The following BIN1 variants were observed in gnomAD, a reference collection of about 807,000 sequenced individuals.
The protein encoded by BIN1 is bridging integrator 1, also known as myc box-dependent-interacting protein 1.
Under a neutral mutation model 82.0 loss-of-function variants are expected in BIN1, and 53 were observed. The ratio of observed to expected loss-of-function variants is 0.65; its 90% CI spans 0.52 to 0.81. The LOEUF (loss-of-function observed/expected upper bound fraction) is 0.81. Ranked by LOEUF, BIN1 falls within the 40% of genes least tolerant of loss-of-function variation. The probability of loss-of-function intolerance (pLI) is 0.00; values close to 1 mark genes in which losing one functional copy is unlikely to be tolerated. For missense variants in BIN1, 642 were observed against 784.4 expected (o/e 0.82, Z 2.17); for synonymous variants, 302 against 328.0 (o/e 0.92, Z 0.86).
intron 12 of BIN1, 22 bp from the exon 13 acceptor site, chr2:127,054,034 A>G (rs1273617532): frequency 6.5e-7 from 1 of 1,544,184 alleles, no homozygotes; most frequent in East Asian, 2.4e-5. Flanking sequence ...CAGCAGCAGC[A>G]GAGGAGGAAG....
At chr2:127,050,974 G>C in intron 16 of BIN1, 62 bp from the exon 17 acceptor site, 1 of 1,551,212 alleles carries the variant, frequency 6.4e-7, no homozygotes, top group Admixed American at 1.7e-5. Context: ...CAGGGCCACC[G>C]AGGAGAAGAG....
rs920170949 is a variant in BIN1, at chr2:127,070,079, C to T, written c.327G>A (p.Leu109=). The change falls in exon 5 of 19, where the codon CTG becomes CTA. Residue 109 remains leucine, a synonymous_variant. Transcript: ENST00000316724. ...EANKIAENND[L]LWMDYHQKLV... is the part of the protein sequence containing the mutation. ...GCTTCTGGTGGTAATCCATCCACAG[C>T]AGGTCGTTGTTCTGAGACAGGCAAG... is the stretch of plus-strand genomic sequence containing the variant. The T allele has an allele frequency of 1.5e-5, 25 of 1,613,860 alleles. No homozygotes were observed. The Admixed American group carries it at 3.3e-4, about 22-fold the overall frequency.
At chr2:127,058,611 G>A (rs1684015335) in intron 11 of BIN1, among the ~76,000 whole-genome samples, 1 of 152,164 alleles carries the variant, frequency 6.6e-6, no homozygotes, top group Non-Finnish European at 1.5e-5. Context: ...TCCTCCCTCA[G>A]GCCCCTTTAA....
intron 16 of BIN1, 99 bp from the exon 17 acceptor site, chr2:127,051,011 C>A: frequency 6.7e-7 from 1 of 1,496,300 alleles, no homozygotes; most frequent in South Asian, 1.1e-5. Context: ...AAGGTGTCTG[C>A]GCCTGGTGCC....
intron 1 of BIN1, among the ~76,000 whole-genome samples, chr2:127,078,805 G>A (rs1686943460): frequency 6.6e-6 from 1 of 152,096 alleles, no homozygotes; most frequent in African/African-American, 2.4e-5. Context: ...ACCCGGCTCT[G>A]CAAAGAGCTT....
chr2:127,064,364 C>T (rs1056220911), intron 7 of BIN1, among the ~76,000 whole-genome samples: 2 of 152,220 alleles, frequency 1.3e-5, no homozygotes, highest in African/African-American at 4.8e-5. Flanking sequence ...ACCCCAGACC[C>T]AGCCAAGTGG....
intron 1 of BIN1, among the ~76,000 whole-genome samples, chr2:127,086,434 G>T (rs542277004): frequency 6.6e-6 from 1 of 152,052 alleles, no homozygotes; most frequent in Non-Finnish European, 1.5e-5. Flanking sequence ...AGATTTTCAC[G>T]ATGAAATACA....
rs538444134 is a variant in BIN1, at chr2:127,070,442, G to A, written c.315+111C>T. On this transcript the variant is annotated intron_variant, in intron 4 of 18. Coordinates refer to ENST00000316724, the MANE Select transcript of BIN1 (RefSeq NM_139343.3). ...CAGCTTGCCCCAGGGCACACAGCAC[G>A]CGAATGCCCGAGAACCAGAGAGGCT... The A allele has an allele frequency of 2.5e-5, 34 of 1,339,346 alleles. 1 individual carries two copies. Among genetic ancestry groups the A allele is most frequent in the Middle Eastern group, 4.6e-4 (2 of 4,314 alleles). The allele number at this position is 1,339,346 out of a possible 1,614,324, so 83.0% of individuals were successfully genotyped here. A position where few individuals can be genotyped will look rare whatever the true frequency, so the allele number is the denominator to read the frequency against.
At chr2:127,085,514 G>T (rs1678018001) in intron 1 of BIN1, among the ~76,000 whole-genome samples, 1 of 152,160 alleles carries the variant, frequency 6.6e-6, no homozygotes. Flanking sequence ...ACCTGTTCAT[G>T]GCCCTCCTGG....
intron 1 of BIN1, among the ~76,000 whole-genome samples, chr2:127,094,604 G>A (rs1022966701): frequency 7.2e-5 from 11 of 152,208 alleles, no homozygotes; most frequent in African/African-American, 2.4e-4. Context: ...CTGGAGTGGC[G>A]CGGAGCCGAC....
At position 127,107,106 on chromosome 2, in the gene BIN1, A is replaced by T. The variant is rs560690864; in HGVS notation, c.-163T>A. ...CTGACGGAGGCGGAGCGTGCGCCGG[A>T]CGGGCGAGCGAGCCAGCGAGCTAGC... On this transcript the variant is annotated 5_prime_UTR_variant, in exon 1 of 19. Coordinates refer to ENST00000316724, the MANE Select transcript of BIN1 (RefSeq NM_139343.3). This position sits in a 1 kb window ranked among gnomAD's most constrained non-coding sequence, Gnocchi z 5.9. The T allele has an allele frequency of 1.4e-6, 1 of 734,176 alleles. No individual in the cohort carries two copies. Among genetic ancestry groups the T allele is most frequent in the Non-Finnish European group, 1.9e-6 (1 of 522,448 alleles). 45.5% of individuals were successfully genotyped at this position (734,176 alleles called of 1,614,324 possible). A position where few individuals can be genotyped will look rare whatever the true frequency, so the allele number is the denominator to read the frequency against.
At chr2:127,089,767 G>A (rs906090385) in intron 1 of BIN1, among the ~76,000 whole-genome samples, 3 of 152,084 alleles carry the variant, frequency 2.0e-5, no homozygotes, top group Non-Finnish European at 2.9e-5. Context: ...CTGGGAGCAG[G>A]CCCAGGCTGT....
rs141817721 is a variant in BIN1 at position 127,075,106 on chromosome 2, G to A, written c.165+1520C>T. Among the ~76,000 whole-genome samples the A allele has an allele frequency of 2.5e-3, 387 of 152,284 alleles. 2 individuals carry two copies. The highest frequency in any genetic ancestry group is 4.3e-3 in the Non-Finnish European group (294 of 68,028). On this transcript the variant is annotated intron_variant, in intron 2 of 18. Coordinates refer to ENST00000316724, the MANE Select transcript of BIN1 (RefSeq NM_139343.3). ...GGGATCAGCTCCAGAGAGGAAACTC[G>A]ATAGTGAACCAAAGGCCACAGAGCC...
chr2:127,074,420 C>T (rs995917133), intron 2 of BIN1, among the ~76,000 whole-genome samples: 3 of 152,192 alleles, frequency 2.0e-5, no homozygotes, highest in Non-Finnish European at 4.4e-5. Context: ...AACCTGAGCC[C>T]GGGGGCAGAC....
chr2:127,076,847 G>A, intron 1 of BIN1, 141 bp from the exon 2 acceptor site: 1 of 903,070 alleles, frequency 1.1e-6, no homozygotes, highest in Non-Finnish European at 1.8e-6. Context: ...GCCCACCCAG[G>A]GCTGCAATCC....
chr2:127,062,998 C>T (rs577674954), intron 9 of BIN1, among the ~76,000 whole-genome samples: 1 of 152,290 alleles, frequency 6.6e-6, no homozygotes, highest in African/African-American at 2.4e-5. Context: ...TCAGACCCAC[C>T]ACTGGGGGCG....
chr2:127,059,198 A>G lies in BIN1; in HGVS notation c.858-43T>C, dbSNP rs1190357766. 3.2e-6 allele frequency: 5 copies of G among 1,551,696 alleles called. No homozygotes were observed. In the African/African-American group the frequency reaches 4.1e-5, roughly 13 times the overall value. On this transcript the variant is annotated intron_variant, in intron 10 of 18. Transcript: ENST00000316724. The surrounding 1 kb of genome is among the most constrained non-coding windows in gnomAD (Gnocchi z 6.7). ...AAAGGGAGCCCAGTGTTGGGGGGCC[A>G]AGGCACAGGAGACGGAGGGGCAAAT...
chr2:127,077,954 G>A (rs987117373), intron 1 of BIN1, among the ~76,000 whole-genome samples: 123 of 152,348 alleles, frequency 8.1e-4, no homozygotes, highest in African/African-American at 2.8e-3. Context: ...CCCAGGAGCG[G>A]TGGGGAGCCC....
At chr2:127,083,357 A>G (rs943084354) in intron 1 of BIN1, among the ~76,000 whole-genome samples, 1 of 152,272 alleles carries the variant, frequency 6.6e-6, no homozygotes, top group Non-Finnish European at 1.5e-5. Context: ...CTGGGATTGC[A>G]GGTACAAGCC....
Sources: allele counts gnomAD v4.1 joint callset (sites outside exome capture counted in the v4.1 genomes callset), GRCh38; gene constraint gnomAD v4.1.1; non-coding constraint Gnocchi (gnomAD v3.1); transcripts MANE v1.5; gene names NCBI Gene and HGNC (gene_info 2026-07-23, HGNC 2026-07-21).